ZNF384: variants seen among roughly 807,000 people sequenced by gnomAD.
ZNF384 encodes the protein CAG repeat protein 1.
ZNF384 carries 20 observed loss-of-function variants against 65.0 expected under a neutral mutation model. The ratio of observed to expected loss-of-function variants is 0.31; its 90% CI spans 0.22 to 0.45. The LOEUF is 0.45. ZNF384 is among the 20% of genes least tolerant of loss of function. The pLI, the probability that ZNF384 is intolerant of heterozygous loss-of-function variation, is 1.00. For synonymous variants in ZNF384, 310 were observed against 303.9 expected, an observed-to-expected ratio of 1.02 and a Z score of -0.21; for missense variants, 549 against 769.4, an observed-to-expected ratio of 0.71 and a Z score of 3.39.
intron 3 of ZNF384, 96 bp downstream of exon 3, chr12:6,679,359 G>A: frequency 7.6e-7 from 1 of 1,318,478 alleles, no homozygotes; most frequent in Non-Finnish European, 1.1e-6. Context: ...CAGGGGTGGG[G>A]GACCCAGTAA....
rs748339076 is a variant in ZNF384, at chr12:6,673,389, G to A, written c.831C>T (p.His277=). The A allele has an allele frequency of 6.2e-7, 1 of 1,614,004 alleles. No homozygotes were observed. Among genetic ancestry groups the A allele is most frequent in the Non-Finnish European group, 8.5e-7 (1 of 1,179,990 alleles). Residue 277 remains histidine (H), a synonymous_variant, in exon 8 of 12, where the codon CAC becomes CAT. Coordinates refer to ENST00000683879, the MANE Select transcript of ZNF384 (RefSeq NM_001385745.1). The surrounding 1 kb of genome is among the most constrained non-coding windows in gnomAD (Gnocchi z 4.7). ...TFYSKSEMQI[H]SKSHTETKPH... ...GCTTGGTCTCGGTGTGTGACTTGGA[G>A]TGGATCTGCATCTCCGACTTGGAGT... is the stretch of plus-strand genomic sequence containing the variant.
intron 9 of ZNF384, chr12:6,671,845 G>C (rs985251292): frequency 6.5e-6 from 1 of 153,540 alleles, no homozygotes; most frequent in Non-Finnish European, 1.4e-5. Context: ...CATTTAGTAC[G>C]TGTTTTCTTT....
At chr12:6,679,673 A>C in intron 2 of ZNF384, 148 bp from the exon 3 acceptor site, 1 of 628,440 alleles carries the variant, frequency 1.6e-6, no homozygotes, top group Non-Finnish European at 2.9e-6. Flanking sequence ...TGTCTAGCAC[A>C]TTAGTCCCTT....
chr12:6,671,248 T>G (rs1951379572), intron 9 of ZNF384, among the ~76,000 whole-genome samples: 1 of 152,214 alleles, frequency 6.6e-6, no homozygotes, highest in Non-Finnish European at 1.5e-5. Context: ...CCCTCAGCCT[T>G]GAGCATCACT....
rs1302771654 is a variant in ZNF384 at position 6,678,030 on chromosome 12, G to A, written c.686+97C>T. The A allele has an allele frequency of 8.5e-7, 1 of 1,180,696 alleles. No homozygotes were observed. The highest frequency in any genetic ancestry group is 2.4e-5 in the East Asian group (1 of 42,484). The allele number at this position is 1,180,696 out of a possible 1,614,324, so 73.1% of individuals were successfully genotyped here. On this transcript the variant is annotated intron_variant, in intron 6 of 11. Coordinates refer to ENST00000683879, the MANE Select transcript of ZNF384 (RefSeq NM_001385745.1). This position sits in a 1 kb window ranked among gnomAD's most constrained non-coding sequence, Gnocchi z 4.9. ...GGCTCAGAGCTGGGAAGCTGTCAGA[G>A]TGTAGCGCCTGACCGGGGCAGAACA... is the stretch of plus-strand genomic sequence containing the variant.
Position 6,673,027 on chromosome 12 carries a change from G to A in ZNF384, c.1004+189C>T. The A allele has an allele frequency of 4.9e-6, 3 of 614,030 alleles. No homozygotes were observed. The highest frequency in any genetic ancestry group is 8.5e-6 in the Non-Finnish European group (3 of 351,012). 38.0% of individuals were successfully genotyped at this position (614,030 alleles called of 1,614,324 possible). A position where few individuals can be genotyped will look rare whatever the true frequency, so the allele number is the denominator to read the frequency against. On this transcript the variant is annotated intron_variant, in intron 8 of 11. Coordinates refer to ENST00000683879, the MANE Select transcript of ZNF384 (RefSeq NM_001385745.1). The surrounding 1 kb of genome is among the most constrained non-coding windows in gnomAD (Gnocchi z 4.7). ...AATTGTTCCAGACTTTGGAATTGGA[G>A]ACCACAATTTTCAAGGCCCCCCAAA...
intron 2 of ZNF384, among the ~76,000 whole-genome samples, chr12:6,683,587 A>C (rs2137236633): frequency 6.7e-6 from 1 of 150,086 alleles, no homozygotes; most frequent in South Asian, 2.1e-4. Context: ...CTGAGGCAGG[A>C]GAATCACCTG....
Position 6,672,642 on chromosome 12 carries a change from C to T in ZNF384, c.1005-110G>A, listed in dbSNP as rs572147322. On this transcript the variant is annotated intron_variant, in intron 8 of 11. Coordinates refer to ENST00000683879, the MANE Select transcript of ZNF384 (RefSeq NM_001385745.1). The surrounding 1 kb of genome is among the most constrained non-coding windows in gnomAD (Gnocchi z 4.4). ...GCTTGACGGATGAGAGCACCCCCTT[C>T]CTCCCTCCTCCCAAAAACACTCCAG... The T allele has an allele frequency of 1.2e-5, 12 of 1,039,568 alleles. No individual in the cohort carries two copies. In the African/African-American group the frequency reaches 1.8e-4, roughly 15 times the overall value. 64.4% of individuals were successfully genotyped at this position (1,039,568 alleles called of 1,614,324 possible). A position where few individuals can be genotyped will look rare whatever the true frequency, so the allele number is the denominator to read the frequency against.
Position 6,678,442 on chromosome 12 carries a change from G to A in ZNF384, c.371C>T (p.Thr124Met). ...GGTCACAAGAGAGCCTGAGGGGGAC[G>A]TGATTACCAAACCCGGACCTAGGAT... ...SQSRGPGLVI[T>M]SPSGSLVTTA... is the part of the protein sequence containing the mutation. The change falls in exon 6 of 12, where the codon ACG (threonine) becomes ATG (methionine). Residue 124 changes from threonine (T) to methionine (M), a missense_variant. Thr to Met is a moderately conservative substitution (Grantham distance 81). Coordinates refer to ENST00000683879, the MANE Select transcript of ZNF384 (RefSeq NM_001385745.1). This position sits in a 1 kb window ranked among gnomAD's most constrained non-coding sequence, Gnocchi z 4.9. 1 of 1,589,944 alleles carries A rather than the reference G, an allele frequency of 6.3e-7. No individual in the cohort carries two copies. Among genetic ancestry groups the A allele is most frequent in the Non-Finnish European group, 8.6e-7 (1 of 1,167,570 alleles).
rs1305247070 is a variant in ZNF384, at chr12:6,668,041, T to C, written c.1500A>G (p.Ala500=). The part of the protein sequence containing the change: ...DLQQQVQAAA[A]AAAVAQAQAQ... ...CCTGGGCCTGGGCCACTGCTGCCGC[T>C]GCTGCTGCTGCCTGCACCTGTTGCT... Residue 500 remains alanine, a synonymous_variant, in exon 12 of 12, where the codon GCA becomes GCG. Transcript: ENST00000683879. 3.1e-6 allele frequency: 5 copies of C among 1,612,708 alleles called. No homozygotes were observed. The South Asian group carries it at 5.5e-5, about 18-fold the overall frequency.
chr12:6,673,557 G>A lies in ZNF384; in HGVS notation c.780-117C>T. On this transcript the variant is annotated intron_variant, in intron 7 of 11. Transcript: ENST00000683879. This position sits in a 1 kb window ranked among gnomAD's most constrained non-coding sequence, Gnocchi z 4.7. Reference sequence around the variant, plus strand: ...TGAGGTCTCTCCTACTCCAACTTGAGAGTAGAGCTCTATATATTCATCTTT... The same window carrying A: ...TGAGGTCTCTCCTACTCCAACTTGAAAGTAGAGCTCTATATATTCATCTTT... The A allele has an allele frequency of 1.3e-6, 1 of 757,734 alleles. No homozygotes were observed. The highest frequency in any genetic ancestry group is 2.2e-6 in the Non-Finnish European group (1 of 461,778). The allele number at this position is 757,734 out of a possible 1,614,324, so 46.9% of individuals were successfully genotyped here. A position where few individuals can be genotyped will look rare whatever the true frequency, so the allele number is the denominator to read the frequency against.
intron 10 of ZNF384, among the ~76,000 whole-genome samples, chr12:6,669,973 T>C (rs1950913534): frequency 6.6e-6 from 1 of 151,810 alleles, no homozygotes; most frequent in Admixed American, 6.6e-5. Flanking sequence ...AACACAAAGA[T>C]GAAAAACCTA....
rs1005185689 is a variant in ZNF384 at position 6,678,748 on chromosome 12, G to A, written c.305-38C>T. ...AAGGAAAGAATGTCACCTCCTCAAA[G>A]GCAGGGACCGCATCTTCTACTTCTT... On this transcript the variant is annotated intron_variant, in intron 4 of 11. Transcript: ENST00000683879. This position sits in a 1 kb window ranked among gnomAD's most constrained non-coding sequence, Gnocchi z 4.9. 3 of 1,609,390 alleles carry A rather than the reference G, an allele frequency of 1.9e-6. No individual in the cohort carries two copies. The highest frequency in any genetic ancestry group is 2.6e-6 in the Non-Finnish European group (3 of 1,175,894).
At chr12:6,688,274 C>G (rs1958663860) in intron 1 of ZNF384, 48 bp from the exon 2 acceptor site, 1 of 152,598 alleles carries the variant, frequency 6.6e-6, no homozygotes, top group Non-Finnish European at 1.5e-5. Flanking sequence ...GGTGCAGCCA[C>G]CAGAGAACTG....
intron 2 of ZNF384, among the ~76,000 whole-genome samples, chr12:6,682,881 G>A (rs984504035): frequency 6.6e-6 from 1 of 152,160 alleles, no homozygotes; most frequent in Non-Finnish European, 1.5e-5. Context: ...TATAGATTTT[G>A]CAGACAATGC....
chr12:6,684,560 T>G (rs1029723162), intron 2 of ZNF384, among the ~76,000 whole-genome samples: 6 of 152,200 alleles, frequency 3.9e-5, no homozygotes, highest in Non-Finnish European at 7.3e-5. Flanking sequence ...CTTACTTGGA[T>G]GCCTAGTTTA....
intron 7 of ZNF384, among the ~76,000 whole-genome samples, chr12:6,676,379 C>G (rs566130903): frequency 4.6e-5 from 7 of 152,236 alleles, no homozygotes; most frequent in Admixed American, 1.3e-4. Context: ...TACAATAAGT[C>G]TCCCTTCAAT....
chr12:6,670,156 G>C (rs185684912), intron 10 of ZNF384, among the ~76,000 whole-genome samples: 6 of 152,172 alleles, frequency 3.9e-5, no homozygotes, highest in Non-Finnish European at 8.8e-5. Flanking sequence ...TGCCAGGTGC[G>C]GTGACTCATG....
At chr12:6,682,239 G>C (rs1291807741) in intron 2 of ZNF384, among the ~76,000 whole-genome samples, 1 of 151,818 alleles carries the variant, frequency 6.6e-6, no homozygotes, top group Non-Finnish European at 1.5e-5. Context: ...AAAACTGCTT[G>C]AGCCCAGGAG....
Sources: gnomAD v4.1 joint callset for allele counts (sites outside exome capture counted in the v4.1 genomes callset) on GRCh38, gnomAD v4.1.1 for gene constraint, Gnocchi (gnomAD v3.1) non-coding constraint, MANE v1.5 for transcripts, NCBI Gene and HGNC (gene_info 2026-07-23, HGNC 2026-07-21) for gene names.